Variants in MSH3 observed in about 807,000 individuals in gnomAD.
MSH3 encodes the protein mutS homolog 3, also known as DNA mismatch repair protein Msh3.
Under a neutral mutation model 123.3 loss-of-function variants are expected in MSH3, and 106 were observed. The ratio of observed to expected loss-of-function variants is 0.86; its 90% CI spans 0.73 to 1.01. MSH3 has a LOEUF of 1.01. MSH3 is among the 50% of genes least tolerant of loss of function. MSH3 has a pLI of 0.00. For missense variants in MSH3, 1,459 were observed against 1,347.6 expected, an observed-to-expected ratio of 1.08 and a Z score of -1.29; for synonymous variants, 515 against 481.4, an observed-to-expected ratio of 1.07 and a Z score of -0.91.
rs557355423 is a variant in MSH3 at position 80,753,093 on chromosome 5, CAT to C, written c.1764-8452_1764-8451del. ...AAAAATTATACAGAAAATACACACACATGAATTTTTTATAATGTACTGCTATT... is the reference window on the plus strand; with the variant it reads ...AAAAATTATACAGAAAATACACACACGAATTTTTTATAATGTACTGCTATT... On this transcript the variant is annotated intron_variant, in intron 12 of 23. Coordinates refer to ENST00000265081, the MANE Select transcript of MSH3 (RefSeq NM_002439.5). Among the ~76,000 whole-genome samples the C allele has an allele frequency of 1.7e-3, 253 of 152,258 alleles. 1 individual carries two copies. Among genetic ancestry groups the C allele is most frequent in the African/African-American group, 5.9e-3 (244 of 41,554 alleles).
At position 80,850,382 on chromosome 5, in the gene MSH3, T is replaced by A. The variant is rs373296305; in HGVS notation, c.2814-3748T>A. On this transcript the variant is annotated intron_variant, in intron 20 of 23. Transcript: ENST00000265081. ...GCAACACCCCACTCCTGGTACCAAT[T>A]TACTGTATTAGTCCATTTTCACACT... Among the ~76,000 whole-genome samples, 73 of 152,272 alleles carry A rather than the reference T, an allele frequency of 4.8e-4. No homozygotes were observed. The South Asian group carries it at 0.015, about 31-fold the overall frequency.
intron 21 of MSH3, among the ~76,000 whole-genome samples, chr5:80,854,522 CTTAG>C (rs1363716288): frequency 4.6e-5 from 7 of 152,146 alleles, no homozygotes; most frequent in Middle Eastern, 6.8e-3. Context: ...TGAAATTTCT[CTTAG>C]TTATTTTGAA....
chr5:80,831,524 A>G (rs1351226479), intron 20 of MSH3, among the ~76,000 whole-genome samples: 8 of 152,318 alleles, frequency 5.3e-5, no homozygotes, highest in East Asian at 3.9e-4. Context: ...TTTAAATACC[A>G]TATGGTGCCT....
intron 12 of MSH3, among the ~76,000 whole-genome samples, chr5:80,756,070 A>C (rs1743920766): frequency 6.6e-6 from 1 of 152,220 alleles, no homozygotes; most frequent in East Asian, 1.9e-4. Context: ...CATGGAAAAT[A>C]AATACTATCA....
chr5:80,813,446 CAG>C (rs1745043658), intron 19 of MSH3, 136 bp from the exon 20 acceptor site: 3 of 840,868 alleles, frequency 3.6e-6, no homozygotes, highest in Non-Finnish European at 5.8e-6. Flanking sequence ...AGGTTGAAGA[CAG>C]AGGACCGCTT....
chr5:80,765,749 T>A, intron 13 of MSH3, among the ~76,000 whole-genome samples: 1 of 152,204 alleles, frequency 6.6e-6, no homozygotes, highest in East Asian at 1.9e-4. Context: ...TCCCTTGAGT[T>A]GAATCTTTTA....
intron 8 of MSH3, among the ~76,000 whole-genome samples, chr5:80,723,279 A>T (rs971983790): frequency 8.5e-5 from 13 of 152,052 alleles, no homozygotes; most frequent in South Asian, 6.2e-4. Context: ...AAGCCCTAGA[A>T]ATTAAGAGAC....
intron 13 of MSH3, among the ~76,000 whole-genome samples, chr5:80,765,474 A>AT (rs1048308998): frequency 1.3e-4 from 20 of 151,720 alleles, no homozygotes; most frequent in African/African-American, 4.1e-4. Flanking sequence ...CTAACTTCTT[A>AT]TTTTTTTTGC....
In MSH3 at chr5:80,841,170, C is replaced by G. The variant is rs1745616984; in HGVS notation, c.2814-12960C>G. ...AACATGCAGTGTTTGATTTTCTGTC[C>G]TTGCAATAGTTTGTGAGAATGATGG... is the stretch of plus-strand genomic sequence containing the variant. On this transcript the variant is annotated intron_variant, in intron 20 of 23. Coordinates refer to ENST00000265081, the MANE Select transcript of MSH3 (RefSeq NM_002439.5). Among the ~76,000 whole-genome samples, 2 of 151,990 alleles carry G rather than the reference C, an allele frequency of 1.3e-5. 1 individual carries two copies. Among genetic ancestry groups the G allele is most frequent in the African/African-American group, 4.8e-5 (2 of 41,356 alleles).
chr5:80,866,721 T>C (rs935560197), intron 22 of MSH3, among the ~76,000 whole-genome samples: 2 of 152,226 alleles, frequency 1.3e-5, no homozygotes, highest in African/African-American at 4.8e-5. Context: ...TTCACATGTA[T>C]TGTATGTCAT....
intron 2 of MSH3, 102 bp downstream of exon 2, chr5:80,656,633 G>C (rs1047210404): frequency 9.3e-6 from 14 of 1,512,500 alleles, no homozygotes; most frequent in African/African-American, 1.4e-5. Context: ...TTTTTTCTTT[G>C]TGGAGAAAGG....
At chr5:80,849,536 G>C (rs914964714) in intron 20 of MSH3, among the ~76,000 whole-genome samples, 1 of 152,180 alleles carries the variant, frequency 6.6e-6, no homozygotes, top group African/African-American at 2.4e-5. Flanking sequence ...CCAAACCTCA[G>C]TTCTTGACTT....
intron 20 of MSH3, 144 bp downstream of exon 20, chr5:80,813,885 G>T: frequency 1.1e-6 from 1 of 920,722 alleles, no homozygotes; most frequent in Non-Finnish European, 1.7e-6. Context: ...TCAAGGCCGG[G>T]CACGGTGGCT....
At chr5:80,788,280 AAAAAAAATTAGC>A (rs1744548672) in intron 18 of MSH3, among the ~76,000 whole-genome samples, 5 of 151,836 alleles carry the variant, frequency 3.3e-5, no homozygotes, top group Admixed American at 3.3e-4. Context: ...CTAAAAATAC[AAAAAAAATTAGC>A]CGGGTGTGGT....
chr5:80,660,204 T>C (rs573995999), intron 2 of MSH3, among the ~76,000 whole-genome samples: 75 of 152,148 alleles, frequency 4.9e-4, no homozygotes, highest in Non-Finnish European at 9.0e-4. Flanking sequence ...TTTTTTTTTT[T>C]TTTCTTAATT....
chr5:80,665,007 TA>T, intron 2 of MSH3, 135 bp from the exon 3 acceptor site: 3 of 676,922 alleles, frequency 4.4e-6, no homozygotes, highest in African/African-American at 1.8e-5. Context: ...TTTCTTTTTT[TA>T]AAAAAATCAC....
intron 19 of MSH3, among the ~76,000 whole-genome samples, chr5:80,794,988 A>T (rs1429055179): frequency 2.0e-5 from 3 of 152,188 alleles, no homozygotes; most frequent in South Asian, 2.1e-4. Flanking sequence ...ATTTTAGTGT[A>T]TGAAGGAAAT....
chr5:80,827,922 T>C (rs1745348932), intron 20 of MSH3, among the ~76,000 whole-genome samples: 1 of 152,124 alleles, frequency 6.6e-6, no homozygotes, highest in South Asian at 2.1e-4. Flanking sequence ...CAGAGCAGTT[T>C]TAGGCTTACA....
Position 80,768,932 on chromosome 5 carries a change from ATGCATT to A in MSH3, c.2187_2192del (p.His729_Leu730del). 6.2e-7 allele frequency: 1 copy of A among 1,613,072 alleles called. No individual in the cohort carries two copies. The highest frequency in any genetic ancestry group is 2.2e-5 in the East Asian group (1 of 44,736). ...TCAAGGTGTTATTGACGAGATCCGA[ATGCATT>A]TGCAAGAAATACGAAAAATACTAAA... On this transcript the variant is annotated inframe_deletion, in exon 15 of 24. Coordinates refer to ENST00000265081, the MANE Select transcript of MSH3 (RefSeq NM_002439.5).
Sources: gnomAD v4.1 joint callset for allele counts (sites outside exome capture counted in the v4.1 genomes callset) on GRCh38, gnomAD v4.1.1 for gene constraint, MANE v1.5 for transcripts, NCBI Gene and HGNC (gene_info 2026-07-23, HGNC 2026-07-21) for gene names.